The following ZFP69 variants were observed in gnomAD, a reference collection of about 807,000 sequenced individuals.
ZFP69 encodes the protein zinc finger protein 69 homolog.
Under a neutral mutation model 48.9 loss-of-function variants are expected in ZFP69, and 35 were observed. The observed-to-expected ratio is 0.72, with a 90% CI of 0.55 to 0.95. The LOEUF (loss-of-function observed/expected upper bound fraction) is 0.95. Ranked by LOEUF, ZFP69 falls within the 40% of genes least tolerant of loss-of-function variation. The pLI is 0.00. For missense variants in ZFP69, 557 were observed against 638.4 expected (o/e 0.87, Z 1.37); for synonymous variants, 193 against 216.8 (o/e 0.89, Z 0.96).
In ZFP69 at chr1:40,477,914, CAGTCTTTG is replaced by C. The variant is rs1405682356; in HGVS notation, c.-327+25_-327+32del. 6.6e-6 allele frequency: 1 copy of C among 152,556 alleles called. No individual in the cohort carries two copies. Among genetic ancestry groups the C allele is most frequent in the Non-Finnish European group, 1.5e-5 (1 of 68,206 alleles). The allele number at this position is 152,556 out of a possible 1,614,324, so 9.5% of individuals were successfully genotyped here. On this transcript the variant is annotated intron_variant, in intron 1 of 5. Coordinates refer to ENST00000372706, the MANE Select transcript of ZFP69 (RefSeq NM_001320179.2). This position sits in a 1 kb window ranked among gnomAD's most constrained non-coding sequence, Gnocchi z 4.0. ...GATGTGGTGAGTAGGAGTCTGTGTG[CAGTCTTTG>C]AGTCCGAGGGTGGCATGTCTGGGAG...
At chr1:40,482,705 G>A (rs897141965) in intron 3 of ZFP69, among the ~76,000 whole-genome samples, 11 of 152,096 alleles carry the variant, frequency 7.2e-5, no homozygotes, top group Non-Finnish European at 1.5e-4. Context: ...AACATTGGAG[G>A]CATATATTAT....
intron 2 of ZFP69, among the ~76,000 whole-genome samples, chr1:40,480,715 A>G (rs1052491857): frequency 2.0e-5 from 3 of 152,208 alleles, no homozygotes; most frequent in African/African-American, 7.2e-5. Flanking sequence ...ATGCATACAA[A>G]TGTCTGCACT....
chr1:40,484,156 A>G (rs1645471638), intron 3 of ZFP69, among the ~76,000 whole-genome samples: 1 of 152,028 alleles, frequency 6.6e-6, no homozygotes, highest in Non-Finnish European at 1.5e-5. Flanking sequence ...TATTTGTCCT[A>G]TCTAGCCTTT....
At chr1:40,482,121 A>AGT (rs537723726) in intron 3 of ZFP69, among the ~76,000 whole-genome samples, 15 of 151,700 alleles carry the variant, frequency 9.9e-5, no homozygotes, top group Admixed American at 3.9e-4. Context: ...CTATAAAGAA[A>AGT]GTGAAATGAG....
rs751560997 is a variant in ZFP69 at position 40,495,756 on chromosome 1, AAC to A, written c.1282_1283del (p.His428SerfsTer14). Reference sequence around the variant, plus strand: ...AAACCTTTAGTCATAGAGCGTATCTAACACATCACCAGAGAATCCATACTGGG... The same window carrying A: ...AAACCTTTAGTCATAGAGCGTATCTAACATCACCAGAGAATCCATACTGGG... ...CKTFSHRAYLTHHQRIHTGER... is the reference protein window; with the variant it reads ...CKTFSHRAYLXHHQRIHTGER... On this transcript the variant is annotated frameshift_variant, in exon 6 of 6. Coordinates refer to ENST00000372706, the MANE Select transcript of ZFP69 (RefSeq NM_001320179.2). LOFTEE classifies it high-confidence loss of function. The A allele has an allele frequency of 9.3e-6, 15 of 1,613,994 alleles. No individual in the cohort carries two copies. In the East Asian group the frequency reaches 2.5e-4, roughly 26 times the overall value.
In ZFP69 at chr1:40,495,273, C is replaced by T; in HGVS notation, c.795C>T (p.Tyr265=). Reference sequence around the variant, plus strand: ...ATTTGATTAATCATCCAACAAGTTACATAAGAACAAAAACCTATGAATGTA... The same window carrying T: ...ATTTGATTAATCATCCAACAAGTTATATAAGAACAAAAACCTATGAATGTA... ...KLDLINHPTS[Y]IRTKTYECNI... The change falls in exon 6 of 6, where the codon TAC becomes TAT. Residue 265 remains tyrosine, a synonymous_variant. Transcript: ENST00000372706. 6.2e-7 allele frequency: 1 copy of T among 1,613,938 alleles called. No homozygotes were observed. Among genetic ancestry groups the T allele is most frequent in the Non-Finnish European group, 8.5e-7 (1 of 1,179,968 alleles).
intron 3 of ZFP69, among the ~76,000 whole-genome samples, chr1:40,486,370 C>G (rs187093961): frequency 1.3e-5 from 2 of 151,732 alleles, no homozygotes; most frequent in East Asian, 3.9e-4. Context: ...ATTGCTCTTT[C>G]TCCCTCCCTG....
intron 3 of ZFP69, among the ~76,000 whole-genome samples, chr1:40,485,505 A>G (rs1286386467): frequency 6.6e-6 from 1 of 152,190 alleles, no homozygotes; most frequent in African/African-American, 2.4e-5. Context: ...AAACTGTCTT[A>G]TAACAAATTA....
At chr1:40,484,121 G>C (rs984791350) in intron 3 of ZFP69, among the ~76,000 whole-genome samples, 2 of 151,904 alleles carry the variant, frequency 1.3e-5, no homozygotes, top group African/African-American at 4.8e-5. Flanking sequence ...AGTATGGTTG[G>C]GTCTAAGTGT....
At chr1:40,486,663 C>T (rs1645503668) in intron 3 of ZFP69, among the ~76,000 whole-genome samples, 1 of 151,590 alleles carries the variant, frequency 6.6e-6, no homozygotes, top group Admixed American at 6.6e-5. Flanking sequence ...CTCAAGCAGT[C>T]CTCCTGCCTT....
chr1:40,494,188 A>T (rs1557557236), intron 5 of ZFP69, among the ~76,000 whole-genome samples: 1 of 149,630 alleles, frequency 6.7e-6, no homozygotes, highest in African/African-American at 2.5e-5. Flanking sequence ...AAAAATACTT[A>T]TATTCTTAAG....
intron 3 of ZFP69, among the ~76,000 whole-genome samples, chr1:40,483,226 A>ATTT (rs56706952): frequency 1.7e-5 from 2 of 116,976 alleles, no homozygotes; most frequent in South Asian, 2.9e-4. Flanking sequence ...ACCTTTTTTA[A>ATTT]TTTTTTTTTT....
In ZFP69 at chr1:40,496,087, G is replaced by T; in HGVS notation, c.*28G>T. 1 of 1,531,332 alleles carries T rather than the reference G, an allele frequency of 6.5e-7. No homozygotes were observed. The allele number at this position is 1,531,332 out of a possible 1,614,324, so 94.9% of individuals were successfully genotyped here. ...ACAGATATTTGACTTGAGAACAAAAGCCAAGTGTAAATTGGTGATTTAGAG... is the reference window on the plus strand; with the variant it reads ...ACAGATATTTGACTTGAGAACAAAATCCAAGTGTAAATTGGTGATTTAGAG... On this transcript the variant is annotated 3_prime_UTR_variant, in exon 6 of 6. Transcript: ENST00000372706.
chr1:40,479,441 A>G lies in ZFP69; in HGVS notation c.80A>G (p.Glu27Gly), dbSNP rs1645422657. The G allele has an allele frequency of 3.1e-6, 5 of 1,613,992 alleles. No homozygotes were observed. The highest frequency in any genetic ancestry group is 3.4e-6 in the Non-Finnish European group (4 of 1,179,908). ...CTGCAACATCCAAAGAAGGCCGTGGAGGGGGCGCCCCTGTGGGAGGATGTG... is the reference window on the plus strand; with the variant it reads ...CTGCAACATCCAAAGAAGGCCGTGGGGGGGGCGCCCCTGTGGGAGGATGTG... The part of the protein sequence containing the change: ...VKLQHPKKAV[E>G]GAPLWEDVTK... Residue 27 changes from glutamate to glycine, a missense_variant, in exon 2 of 6, where the codon GAG becomes GGG. By Grantham distance (98) the Glu-to-Gly change is moderately conservative (BLOSUM62 -2). Coordinates refer to ENST00000372706, the MANE Select transcript of ZFP69 (RefSeq NM_001320179.2).
rs1445046177 is a variant in ZFP69 at position 40,495,977 on chromosome 1, G to A, written c.1499G>A (p.Cys500Tyr). Residue 500 changes from cysteine to tyrosine, a missense_variant, in exon 6 of 6, where the codon TGT becomes TAT. Transcript: ENST00000372706. ...TGEKPYECNECGKAFSYNSSL... is the reference protein window; with the variant it reads ...TGEKPYECNEYGKAFSYNSSL... ...GAAAAACCTTACGAATGTAACGAAT[G>A]TGGAAAAGCCTTCAGCTATAACTCT... 1 of 1,614,196 alleles carries A rather than the reference G, an allele frequency of 6.2e-7. No homozygotes were observed. Among genetic ancestry groups the A allele is most frequent in the South Asian group, 1.1e-5 (1 of 91,086 alleles).
chr1:40,481,304 G>T (rs55911327), intron 2 of ZFP69, among the ~76,000 whole-genome samples: 9,061 of 152,146 alleles, frequency 0.06, 383 homozygotes, highest in African/African-American at 0.11. Context: ...GTGTGTCCCA[G>T]GTATAAAGTA....
intron 5 of ZFP69, chr1:40,493,092 G>C (rs371369359): frequency 2.0e-5 from 3 of 152,282 alleles, no homozygotes; most frequent in East Asian, 3.9e-4. Context: ...AGGTGTGGCG[G>C]TGCATGCCTG....
chr1:40,481,739 C>T, intron 2 of ZFP69, 24 bp from the exon 3 acceptor site: 1 of 1,579,216 alleles, frequency 6.3e-7, no homozygotes, highest in Non-Finnish European at 8.6e-7. Context: ...AGATGCAAAG[C>T]TCATGGCTCT....
intron 3 of ZFP69, 43 bp downstream of exon 3, chr1:40,481,897 G>A (rs1463756694): frequency 6.7e-7 from 1 of 1,488,186 alleles, no homozygotes; most frequent in Non-Finnish European, 9.3e-7. Flanking sequence ...TGCTTCTCCT[G>A]TTTTTAGGGT....
Sources: gnomAD v4.1 joint callset for allele counts (sites outside exome capture counted in the v4.1 genomes callset) on GRCh38, gnomAD v4.1.1 for gene constraint, Gnocchi (gnomAD v3.1) non-coding constraint, MANE v1.5 for transcripts, NCBI Gene and HGNC (gene_info 2026-07-23, HGNC 2026-07-21) for gene names.